Variants in F8 observed in about 807,000 individuals in gnomAD.
The protein encoded by F8 is coagulation factor VIII.
Under a neutral mutation model 140.6 loss-of-function variants are expected in F8, and 12 were observed. The observed-to-expected ratio is 0.09, with a 90% CI of 0.05 to 0.14. The LOEUF is 0.14. Ranked by LOEUF, F8 falls within the 10% of genes least tolerant of loss-of-function variation. The pLI is 1.00. For missense variants in F8, 1,354 were observed against 1,720.7 expected (o/e 0.79, Z 3.77); for synonymous variants, 585 against 614.6 (o/e 0.95, Z 0.71).
chrX:154,917,123 A>G (rs1003744287), intron 14 of F8, among the ~76,000 whole-genome samples: 1 of 111,908 alleles, frequency 8.9e-6, no homozygotes, highest in Admixed American at 9.5e-5. Context: ...GTTTTATTCT[A>G]CTGTAGTCAG....
At chrX:154,972,703 C>CTTTTTTT (rs1557282690) in intron 6 of F8, among the ~76,000 whole-genome samples, 7 of 64,688 alleles carry the variant, frequency 1.1e-4, no homozygotes, top group African/African-American at 4.2e-4. Context: ...TTCTTTCTGT[C>CTTTTTTT]TTTCTTTTTT....
intron 14 of F8, among the ~76,000 whole-genome samples, chrX:154,918,414 C>A (rs1218502202): frequency 9.0e-6 from 1 of 111,032 alleles, no homozygotes; most frequent in Non-Finnish European, 1.9e-5. Context: ...ACCCTAGAGG[C>A]AATCAGGCTG....
chrX:155,005,729 C>G (rs1257984389), intron 1 of F8, among the ~76,000 whole-genome samples: 1 of 112,144 alleles, frequency 8.9e-6, no homozygotes, highest in African/African-American at 3.2e-5. Flanking sequence ...GGTGTGCTGA[C>G]AGCTGACAAC....
chrX:154,908,328 T>C (rs1052351428), intron 14 of F8, among the ~76,000 whole-genome samples: 1 of 112,562 alleles, frequency 8.9e-6, no homozygotes, highest in Non-Finnish European at 1.9e-5. Flanking sequence ...AACTGCTACA[T>C]TGTTTTAATT....
intron 1 of F8, among the ~76,000 whole-genome samples, chrX:155,022,144 C>T (rs2073763045): frequency 8.9e-6 from 1 of 111,797 alleles, no homozygotes; most frequent in Non-Finnish European, 1.9e-5. Context: ...ACTCCAGTCT[C>T]TAGATTCTGG....
chrX:154,977,235 C>T (rs1261169795), intron 6 of F8: 1 of 111,548 alleles, frequency 9.0e-6, no homozygotes, highest in East Asian at 2.8e-4. Context: ...TATTCTTTAA[C>T]AGGTTATGGT....
chrX:154,840,724 A>G (rs1253898676), intron 25 of F8, among the ~76,000 whole-genome samples: 3 of 112,485 alleles, frequency 2.7e-5, no homozygotes, highest in African/African-American at 9.7e-5. Flanking sequence ...CCTTTAAAAC[A>G]AAAGAAATTT....
chrX:154,941,436 T>C (rs2124071063), intron 13 of F8, among the ~76,000 whole-genome samples: 1 of 110,706 alleles, frequency 9.0e-6, no homozygotes, highest in African/African-American at 3.3e-5. Context: ...TACATAATGG[T>C]AAAGGGATCA....
chrX:154,990,726 G>A (rs1557284587), intron 4 of F8, among the ~76,000 whole-genome samples: 1 of 111,777 alleles, frequency 8.9e-6, no homozygotes, highest in Non-Finnish European at 1.9e-5. Flanking sequence ...TGAAGACTGT[G>A]AAACTGAGAT....
intron 13 of F8, among the ~76,000 whole-genome samples, chrX:154,941,134 C>G (rs1357678106): frequency 3.6e-5 from 4 of 111,835 alleles, no homozygotes; most frequent in Non-Finnish European, 7.5e-5. Flanking sequence ...CAGCTAACAT[C>G]AAAATGACAA....
At chrX:154,962,952 G>A (rs1265260027) in intron 9 of F8, among the ~76,000 whole-genome samples, 2 of 110,372 alleles carry the variant, frequency 1.8e-5, no homozygotes, top group Non-Finnish European at 3.8e-5. Context: ...AAGCTGCAGC[G>A]AAGAACCCTG....
At position 154,992,931 on chromosome X, in the gene F8, C is replaced by T. The variant is rs2073595811; in HGVS notation, c.601+5G>A. The stretch of plus-strand genomic sequence containing the variant: ...CATCTCAATCCTACGCTTTCATACA[C>T]TTACCTTCTCTACATACTAGTAGGG... On this transcript the variant is annotated splice_donor_5th_base_variant and intron_variant, in intron 4 of 25. Coordinates refer to ENST00000360256, the MANE Select transcript of F8 (RefSeq NM_000132.4). The T allele has an allele frequency of 8.3e-7, 1 of 1,203,528 alleles. No homozygotes were observed. Among genetic ancestry groups the T allele is most frequent in the South Asian group, 1.8e-5 (1 of 56,801 alleles).
rs1557281557 is a variant in F8 at position 154,961,068 on chromosome X, T to A, written c.1537+7A>T. 1 of 1,138,202 alleles carries A rather than the reference T, an allele frequency of 8.8e-7. No homozygotes were observed. Among genetic ancestry groups the A allele is most frequent in the South Asian group, 1.8e-5 (1 of 55,380 alleles). 93.8% of individuals were successfully genotyped at this position (1,138,202 alleles called of 1,213,427 possible). A position where few individuals can be genotyped will look rare whatever the true frequency, so the allele number is the denominator to read the frequency against. On this transcript the variant is annotated splice_region_variant and intron_variant, in intron 10 of 25. Coordinates refer to ENST00000360256, the MANE Select transcript of F8 (RefSeq NM_000132.4). ...AAAAAAGAGCTATAAATCGAGGGAA[T>A]ATTTACCTTTTGGTAATCTCCTTGA... is the stretch of plus-strand genomic sequence containing the variant.
chrX:154,861,990 T>G, intron 23 of F8, 124 bp from the exon 24 acceptor site: 1 of 829,593 alleles, frequency 1.2e-6, no homozygotes, highest in East Asian at 3.2e-5. Context: ...TTTTAACTTT[T>G]GCACAGATTC....
At chrX:154,920,555 C>T (rs56951586) in intron 14 of F8, among the ~76,000 whole-genome samples, 1,912 of 110,515 alleles carry the variant, frequency 0.017, 41 homozygotes, top group African/African-American at 0.061. Flanking sequence ...CAGGCTCAAG[C>T]AGTCCTCCCA....
At chrX:154,892,271 A>C (rs1557275225) in intron 22 of F8, among the ~76,000 whole-genome samples, 1 of 112,610 alleles carries the variant, frequency 8.9e-6, no homozygotes, top group African/African-American at 3.2e-5. Flanking sequence ...ATGTATGTTC[A>C]TCAGTGTTCT....
chrX:154,856,529 T>C (rs1557272479), intron 25 of F8, among the ~76,000 whole-genome samples: 1 of 112,243 alleles, frequency 8.9e-6, no homozygotes, highest in African/African-American at 3.2e-5. Flanking sequence ...GTGATATAGA[T>C]AGAATGCCTA....
rs1202829875 is a variant in F8, at chrX:154,861,750, G to C, written c.6691C>G (p.Leu2231Val). 8.3e-7 allele frequency: 1 copy of C among 1,210,319 alleles called. No individual in the cohort carries two copies. Among genetic ancestry groups the C allele is most frequent in the South Asian group, 1.8e-5 (1 of 56,836 alleles). Reference protein sequence around the residue: ...TWSPSKARLHLQGRSNAWRPQ... With the variant: ...TWSPSKARLHVQGRSNAWRPQ... The stretch of plus-strand genomic sequence containing the variant: ...CTCCAGGCATTACTCCTCCCTTGGA[G>C]GTGAAGTCGAGCTTTTGAAGGAGAC... Residue 2231 changes from leucine to valine, a missense_variant, in exon 24 of 26, where the codon CTC becomes GTC. Physicochemically the swap from Leu to Val is conservative, Grantham distance 32. This residue lies in a region of F8 where 316 missense variants were observed against 485.4 expected (regional missense o/e 0.65). Transcript: ENST00000360256.
At chrX:154,972,457 C>T (rs1557282658) in intron 6 of F8, among the ~76,000 whole-genome samples, 1 of 110,872 alleles carries the variant, frequency 9.0e-6, no homozygotes, top group East Asian at 2.8e-4. Flanking sequence ...AATATTTTCT[C>T]CCATTCTATA....
Sources: allele counts gnomAD v4.1 joint callset (sites outside exome capture counted in the v4.1 genomes callset), GRCh38; gene constraint gnomAD v4.1.1; regional missense constraint gnomAD v4.1.1; transcripts MANE v1.5; gene names NCBI Gene and HGNC (gene_info 2026-07-23, HGNC 2026-07-21).